Variants in EXOC6B observed in about 807,000 individuals in gnomAD.
The protein encoded by EXOC6B is exocyst complex component 6B.
In EXOC6B, 54 loss-of-function variants were observed where a neutral mutation model predicts 113.5. The observed-to-expected ratio is 0.48, with a 90% CI of 0.38 to 0.60. The LOEUF is 0.60. Among genes scored for constraint, EXOC6B ranks in the 20% least tolerant of loss-of-function variants. The pLI is 0.00. For synonymous variants in EXOC6B, 357 were observed against 339.0 expected (o/e 1.05, Z -0.58); for missense variants, 797 against 977.5 (o/e 0.82, Z 2.46).
intron 19 of EXOC6B, among the ~76,000 whole-genome samples, chr2:72,358,106 G>C (rs1690080280): frequency 6.6e-6 from 1 of 151,946 alleles, no homozygotes; most frequent in Non-Finnish European, 1.5e-5. Flanking sequence ...GGTAAACATG[G>C]CATAATACAT....
intron 20 of EXOC6B, among the ~76,000 whole-genome samples, chr2:72,260,587 A>G (rs992391290): frequency 6.6e-6 from 1 of 152,226 alleles, no homozygotes; most frequent in African/African-American, 2.4e-5. Context: ...GGAAAAGAAT[A>G]TCATATAAAA....
At chr2:72,427,674 CAGCCTGGGT>C (rs1269324532) in intron 18 of EXOC6B, among the ~76,000 whole-genome samples, 2 of 152,180 alleles carry the variant, frequency 1.3e-5, no homozygotes, top group Non-Finnish European at 1.5e-5. Context: ...GCAGCCTGAG[CAGCCTGGGT>C]GCCATGGTCG....
At chr2:72,283,702 C>T (rs1685261173) in intron 20 of EXOC6B, among the ~76,000 whole-genome samples, 1 of 152,080 alleles carries the variant, frequency 6.6e-6, no homozygotes, top group African/African-American at 2.4e-5. Flanking sequence ...TATTTCTTAA[C>T]AAGATCTGCC....
intron 20 of EXOC6B, among the ~76,000 whole-genome samples, chr2:72,310,860 C>G (rs1687143634): frequency 7.8e-6 from 1 of 127,456 alleles, no homozygotes; most frequent in South Asian, 2.1e-4. Context: ...AACACACACA[C>G]ACACACACAC....
At chr2:72,689,400 G>GGAGTCTCTCTCTCT (rs1237229344) in intron 6 of EXOC6B, among the ~76,000 whole-genome samples, 90 of 152,110 alleles carry the variant, frequency 5.9e-4, no homozygotes, top group Non-Finnish European at 1.1e-3. Context: ...TATTTCTATA[G>GGAGTCTCTCTCTCT]GAGTCTCTCT....
chr2:72,651,901 G>T (rs561269267), intron 6 of EXOC6B, among the ~76,000 whole-genome samples: 4 of 152,104 alleles, frequency 2.6e-5, no homozygotes, highest in Non-Finnish European at 5.9e-5. Context: ...AGCCTAAAAA[G>T]ATTTAGACAT....
At chr2:72,417,868 C>T (rs1314135165) in intron 18 of EXOC6B, among the ~76,000 whole-genome samples, 1 of 152,042 alleles carries the variant, frequency 6.6e-6, no homozygotes, top group Non-Finnish European at 1.5e-5. Flanking sequence ...TCTTGTCACA[C>T]ATTTATTTTA....
intron 2 of EXOC6B, among the ~76,000 whole-genome samples, chr2:72,735,097 T>TAATG (rs1317095527): frequency 6.6e-6 from 1 of 152,220 alleles, no homozygotes; most frequent in African/African-American, 2.4e-5. Flanking sequence ...CCTTGGGTGA[T>TAATG]AATGCTATCC....
intron 6 of EXOC6B, among the ~76,000 whole-genome samples, chr2:72,663,186 A>G (rs952335915): frequency 6.6e-6 from 1 of 152,212 alleles, no homozygotes; most frequent in African/African-American, 2.4e-5. Flanking sequence ...ATGGAGTAAT[A>G]CTCAACAATA....
At chr2:72,226,450 G>C (rs1246240301) in intron 20 of EXOC6B, among the ~76,000 whole-genome samples, 2 of 152,104 alleles carry the variant, frequency 1.3e-5, no homozygotes, top group Non-Finnish European at 2.9e-5. Flanking sequence ...TAAAAAAACA[G>C]AGCGAAAAAG....
intron 8 of EXOC6B, among the ~76,000 whole-genome samples, chr2:72,528,199 T>C (rs1186070116): frequency 6.6e-6 from 1 of 152,088 alleles, no homozygotes; most frequent in East Asian, 1.9e-4. Flanking sequence ...TGCATTTAAG[T>C]TCATAATCCA....
chr2:72,766,956 GAA>G lies in EXOC6B; in HGVS notation c.114-25489_114-25488del, dbSNP rs971595036. Among the ~76,000 whole-genome samples the G allele has an allele frequency of 1.9e-4, 11 of 56,896 alleles. No individual in the cohort carries two copies. In the East Asian group the frequency reaches 5.5e-3, roughly 29 times the overall value. 37.3% of individuals were successfully genotyped at this position (56,896 alleles called of 152,430 possible). On this transcript the variant is annotated intron_variant, in intron 1 of 21. Transcript: ENST00000272427. Reference sequence around the variant, plus strand: ...GACAGAGTGAGACCCTGTCTCAAAAGAAAAAAAAAAAAAAAAGGAAAAAAAAA... The same window carrying G: ...GACAGAGTGAGACCCTGTCTCAAAAGAAAAAAAAAAAAAAGGAAAAAAAAA...
intron 20 of EXOC6B, among the ~76,000 whole-genome samples, chr2:72,225,144 G>A (rs984867380): frequency 2.6e-5 from 4 of 150,994 alleles, no homozygotes; most frequent in South Asian, 2.1e-4. Flanking sequence ...GAGGCACCGC[G>A]CCCAGCCTAT....
chr2:72,748,440 C>T (rs1681835277), intron 1 of EXOC6B, among the ~76,000 whole-genome samples: 1 of 152,020 alleles, frequency 6.6e-6, no homozygotes, highest in African/African-American at 2.4e-5. Context: ...TTCAGTTTGT[C>T]TATCAGTTTA....
At chr2:72,504,170 C>A (rs1475788914) in intron 11 of EXOC6B, among the ~76,000 whole-genome samples, 6 of 152,180 alleles carry the variant, frequency 3.9e-5, no homozygotes, top group East Asian at 1.9e-4. Context: ...GGCCTCCCAA[C>A]GTGCTGGCAT....
chr2:72,598,669 G>A (rs965314761), intron 6 of EXOC6B, among the ~76,000 whole-genome samples: 2 of 151,978 alleles, frequency 1.3e-5, no homozygotes, highest in African/African-American at 4.8e-5. Flanking sequence ...CAAAAAGGGA[G>A]ATAAACAGAA....
At chr2:72,732,229 A>C (rs1413342287) in intron 3 of EXOC6B, among the ~76,000 whole-genome samples, 1 of 152,052 alleles carries the variant, frequency 6.6e-6, no homozygotes, top group East Asian at 1.9e-4. Flanking sequence ...CCTCAATGCA[A>C]CCTCAAACTC....
At chr2:72,796,014 G>T (rs953426610) in intron 1 of EXOC6B, among the ~76,000 whole-genome samples, 2 of 151,808 alleles carry the variant, frequency 1.3e-5, no homozygotes. Context: ...TAGAGATGGG[G>T]CTTTGCCAGT....
At chr2:72,371,049 CAA>C (rs527915631) in intron 19 of EXOC6B, among the ~76,000 whole-genome samples, 1 of 143,618 alleles carries the variant, frequency 7.0e-6, no homozygotes. Flanking sequence ...ACTCCTCCTC[CAA>C]AAAAAAAAGA....
Sources: gnomAD v4.1 joint callset for allele counts (sites outside exome capture counted in the v4.1 genomes callset) on GRCh38, gnomAD v4.1.1 for gene constraint, MANE v1.5 for transcripts, NCBI Gene and HGNC (gene_info 2026-07-23, HGNC 2026-07-21) for gene names.